The following FOXP1 variants were observed in gnomAD, a reference collection of about 807,000 sequenced individuals.
FOXP1 encodes the protein forkhead box P1.
FOXP1 carries 15 observed loss-of-function variants against 98.2 expected under a neutral mutation model. That is an observed-to-expected ratio of 0.15 (90% CI 0.10 to 0.24). The LOEUF is 0.24. FOXP1 is among the 10% of genes least tolerant of loss of function. The pLI is 1.00. For missense variants in FOXP1, 633 were observed against 848.5 expected, an observed-to-expected ratio of 0.75 and a Z score of 3.15; for synonymous variants, 371 against 314.5, an observed-to-expected ratio of 1.18 and a Z score of -1.90.
At chr3:70,990,662 T>C (rs1374456479) in intron 13 of FOXP1, among the ~76,000 whole-genome samples, 1 of 152,216 alleles carries the variant, frequency 6.6e-6, no homozygotes, top group Non-Finnish European at 1.5e-5. Context: ...TGTTGAAATA[T>C]CAGAGAAGAG....
intron 9 of FOXP1, 111 bp from the exon 10 acceptor site, chr3:71,047,206 G>GCC: frequency 8.1e-6 from 10 of 1,241,280 alleles, no homozygotes; most frequent in Non-Finnish European, 1.1e-5. Context: ...GGTCACTGGA[G>GCC]CTCAGTGGAG....
At chr3:71,199,396 T>G (rs1296227526) in intron 5 of FOXP1, among the ~76,000 whole-genome samples, 1 of 149,996 alleles carries the variant, frequency 6.7e-6, no homozygotes, top group Non-Finnish European at 1.5e-5. Flanking sequence ...TCGTGAGCCA[T>G]GGCACCTGGC....
At chr3:71,013,488 T>G (rs7635544) in intron 12 of FOXP1, among the ~76,000 whole-genome samples, 3 of 151,948 alleles carry the variant, frequency 2.0e-5, no homozygotes, top group Non-Finnish European at 2.9e-5. Flanking sequence ...CACTGCTCAA[T>G]GAAATAAAAG....
chr3:71,365,753 G>A (rs1287073656), intron 3 of FOXP1, among the ~76,000 whole-genome samples: 1 of 152,202 alleles, frequency 6.6e-6, no homozygotes, highest in Non-Finnish European at 1.5e-5. Context: ...GGGAGGCCAA[G>A]CCCGGCAGAT....
intron 2 of FOXP1, among the ~76,000 whole-genome samples, chr3:71,550,683 C>A (rs550150805): frequency 6.6e-6 from 1 of 152,256 alleles, no homozygotes; most frequent in South Asian, 2.1e-4. Context: ...TGAACAAAGC[C>A]TCCATTTTTA....
At position 71,139,053 on chromosome 3, in the gene FOXP1, T is replaced by A. The variant is rs370910753; in HGVS notation, c.181-26416A>T. On this transcript the variant is annotated intron_variant, in intron 6 of 20. Transcript: ENST00000649528. Reference sequence around the variant, plus strand: ...TAAAATAAAAATACAAATGCAAGTATCTGCATGCTATTTAAAATTTGTTTC... The same window carrying A: ...TAAAATAAAAATACAAATGCAAGTAACTGCATGCTATTTAAAATTTGTTTC... Among the ~76,000 whole-genome samples, 17 of 152,256 alleles carry A rather than the reference T, an allele frequency of 1.1e-4. 1 individual carries two copies. The highest frequency in any genetic ancestry group is 5.9e-4 in the Admixed American group (9 of 15,284).
intron 5 of FOXP1, among the ~76,000 whole-genome samples, chr3:71,218,235 C>T (rs1666708207): frequency 2.6e-5 from 4 of 152,198 alleles, no homozygotes. Flanking sequence ...TGTAATAGGT[C>T]TCCATGTATG....
At chr3:71,142,888 TAA>T (rs1278987916) in intron 6 of FOXP1, among the ~76,000 whole-genome samples, 1 of 151,992 alleles carries the variant, frequency 6.6e-6, no homozygotes, top group Non-Finnish European at 1.5e-5. Flanking sequence ...CTAAAGTTTA[TAA>T]AAGAGTTTCT....
chr3:71,583,965 G>T, upstream of FOXP1: 1 of 980,924 alleles, frequency 1.0e-6, no homozygotes, highest in Non-Finnish European at 1.2e-6. Flanking sequence ...TTTGCCGTTC[G>T]CCGGGGCGCT....
chr3:71,018,897 T>C (rs1441954672), intron 11 of FOXP1, among the ~76,000 whole-genome samples: 1 of 152,202 alleles, frequency 6.6e-6, no homozygotes, highest in African/African-American at 2.4e-5. Context: ...TTTGCATATA[T>C]GTATGTAGTA....
intron 7 of FOXP1, among the ~76,000 whole-genome samples, chr3:71,055,493 T>A (rs1261412730): frequency 6.6e-6 from 1 of 152,188 alleles, no homozygotes; most frequent in Non-Finnish European, 1.5e-5. Flanking sequence ...GGGACAGATG[T>A]ATATGAATGG....
chr3:71,408,599 A>G (rs544833692), intron 3 of FOXP1, among the ~76,000 whole-genome samples: 1 of 152,358 alleles, frequency 6.6e-6, no homozygotes, highest in South Asian at 2.1e-4. Flanking sequence ...ATCTGATCAC[A>G]TTTTATTGAC....
chr3:71,022,262 C>A (rs542687517), intron 11 of FOXP1, among the ~76,000 whole-genome samples: 1 of 152,118 alleles, frequency 6.6e-6, no homozygotes, highest in African/African-American at 2.4e-5. Flanking sequence ...TCAAAATGAA[C>A]GTAAATGTAA....
intron 3 of FOXP1, among the ~76,000 whole-genome samples, chr3:71,412,021 C>A (rs554670916): frequency 1.3e-5 from 2 of 152,186 alleles, no homozygotes; most frequent in Non-Finnish European, 2.9e-5. Context: ...CTATTAAAAG[C>A]GCAAGTGCTT....
chr3:71,328,435 T>C (rs185557333), intron 4 of FOXP1, among the ~76,000 whole-genome samples: 309 of 152,332 alleles, frequency 2.0e-3, no homozygotes, highest in African/African-American at 7.0e-3. Flanking sequence ...AAAATATCAT[T>C]GCTTGCTCCT....
At chr3:71,451,097 C>G (rs1273085379) in intron 3 of FOXP1, among the ~76,000 whole-genome samples, 1 of 152,186 alleles carries the variant, frequency 6.6e-6, no homozygotes, top group Non-Finnish European at 1.5e-5. Flanking sequence ...AATCTTCCCC[C>G]CAAGCAGTGC....
rs1238796330 is a variant in FOXP1 at position 71,158,083 on chromosome 3, A to AGAAGGAAGGAAGGAAGGAAGGAAG, written c.180+40095_180+40118dup. ...AGCCTGGGTGGGAGGGTAAGACGAA[A>AGAAGGAAGGAAGGAAGGAAGGAAG]GAAGGAAGGAAGGAAGGAAGGAAGG... On this transcript the variant is annotated intron_variant, in intron 6 of 20. Transcript: ENST00000649528. 3.9e-3 allele frequency among the ~76,000 whole-genome samples: 165 copies of AGAAGGAAGGAAGGAAGGAAGGAAG among 42,072 alleles called. 2 individuals carry two copies. Among genetic ancestry groups the AGAAGGAAGGAAGGAAGGAAGGAAG allele is most frequent in the African/African-American group, 6.5e-3 (59 of 9,094 alleles). The allele number at this position is 42,072 out of a possible 152,430, so 27.6% of individuals were successfully genotyped here.
chr3:71,129,429 T>C (rs1156883030), intron 6 of FOXP1, among the ~76,000 whole-genome samples: 2 of 152,210 alleles, frequency 1.3e-5, no homozygotes, highest in African/African-American at 4.8e-5. Flanking sequence ...CCCCAGAGCA[T>C]ATTTCTTTCT....
chr3:71,328,632 T>C (rs1286899932), intron 4 of FOXP1, among the ~76,000 whole-genome samples: 1 of 152,190 alleles, frequency 6.6e-6, no homozygotes, highest in Admixed American at 6.5e-5. Flanking sequence ...AAGAAATGCA[T>C]AACCCTTTCT....
Sources: gnomAD v4.1 joint callset for allele counts (sites outside exome capture counted in the v4.1 genomes callset) on GRCh38, gnomAD v4.1.1 for gene constraint, MANE v1.5 for transcripts, NCBI Gene and HGNC (gene_info 2026-07-23, HGNC 2026-07-21) for gene names.